The following PROS1 variants were observed in gnomAD, a reference collection of about 807,000 sequenced individuals.
PROS1 encodes the protein vitamin K-dependent protein S.
Under a neutral mutation model 75.9 loss-of-function variants are expected in PROS1, and 29 were observed. That is an observed-to-expected ratio of 0.38 (90% CI 0.28 to 0.52). The LOEUF (loss-of-function observed/expected upper bound fraction) is 0.52, where lower values mean the gene tolerates loss of function less well. Ranked by LOEUF, PROS1 falls within the 20% of genes least tolerant of loss-of-function variation. The probability of loss-of-function intolerance (pLI) is 0.83; values close to 1 mark genes in which losing one functional copy is unlikely to be tolerated. For missense variants in PROS1, 680 were observed against 810.3 expected (o/e 0.84, Z 1.95); for synonymous variants, 245 against 280.6 (o/e 0.87, Z 1.27).
intron 1 of PROS1, 32 bp from the exon 2 acceptor site, chr3:93,927,439 T>C (rs778070336): frequency 1.0e-4 from 164 of 1,603,422 alleles, no homozygotes; most frequent in Non-Finnish European, 1.2e-4. Flanking sequence ...TATGAATTAA[T>C]CATTTTTCCA....
chr3:93,937,203 T>C (rs1362082075), intron 1 of PROS1, among the ~76,000 whole-genome samples: 1 of 152,074 alleles, frequency 6.6e-6, no homozygotes. Context: ...GACTAAAGAT[T>C]TCACATGAAA....
intron 1 of PROS1, chr3:93,928,843 A>G (rs1174339920): frequency 1.3e-6 from 1 of 772,910 alleles, no homozygotes; most frequent in Admixed American, 3.1e-5. Flanking sequence ...ATCACTACAG[A>G]GAATAAACGG....
In PROS1 at chr3:93,877,209, G is replaced by A; in HGVS notation, c.1645-18C>T. 6.4e-7 allele frequency: 1 copy of A among 1,554,580 alleles called. No individual in the cohort carries two copies. The highest frequency in any genetic ancestry group is 8.9e-7 in the Non-Finnish European group (1 of 1,126,536). ...AGAATATCCTGAAGAGCAGAGCAAA[G>A]ATTCAATATAAGCAAGGAGTAAGAG... On this transcript the variant is annotated intron_variant, in intron 13 of 14. Coordinates refer to ENST00000394236, the MANE Select transcript of PROS1 (RefSeq NM_000313.4).
intron 8 of PROS1, among the ~76,000 whole-genome samples, 177 bp from the exon 9 acceptor site, chr3:93,896,868 G>T (rs1363665289): frequency 1.3e-5 from 2 of 151,980 alleles, no homozygotes; most frequent in African/African-American, 4.8e-5. Flanking sequence ...TCCTTGTATA[G>T]TCTATCTATC....
At chr3:93,910,152 G>T in intron 4 of PROS1, among the ~76,000 whole-genome samples, 1 of 152,242 alleles carries the variant, frequency 6.6e-6, no homozygotes, top group Admixed American at 6.5e-5. Context: ...CAAAAATAAT[G>T]TACCAGAATT....
intron 1 of PROS1, among the ~76,000 whole-genome samples, chr3:93,945,395 G>C (rs1307795205): frequency 6.6e-6 from 1 of 152,180 alleles, no homozygotes; most frequent in Non-Finnish European, 1.5e-5. Context: ...GATGAACATT[G>C]ATGCAGAAAT....
chr3:93,901,086 T>G (rs1708586719), intron 6 of PROS1, among the ~76,000 whole-genome samples, 157 bp from the exon 7 acceptor site: 1 of 152,244 alleles, frequency 6.6e-6, no homozygotes, highest in Non-Finnish European at 1.5e-5. Context: ...TCATCATATG[T>G]TAGCTCACTA....
At chr3:93,897,037 A>G (rs1055852227) in intron 8 of PROS1, among the ~76,000 whole-genome samples, 2 of 152,156 alleles carry the variant, frequency 1.3e-5, no homozygotes, top group Non-Finnish European at 2.9e-5. Context: ...CAGGTATATT[A>G]TCTCCCATGA....
chr3:93,963,821 T>C (rs1231828764), intron 1 of PROS1, among the ~76,000 whole-genome samples: 1 of 152,036 alleles, frequency 6.6e-6, no homozygotes, highest in Non-Finnish European at 1.5e-5. Flanking sequence ...CCTACCCCCA[T>C]GACCAAAACA....
At chr3:93,963,546 AAGAAAAGG>A (rs1231029976) in intron 1 of PROS1, among the ~76,000 whole-genome samples, 1 of 152,168 alleles carries the variant, frequency 6.6e-6, no homozygotes, top group African/African-American at 2.4e-5. Flanking sequence ...ATAATTTATA[AAGAAAAGG>A]AGTTTAATAG....
At chr3:93,898,616 T>C (rs1254858825) in intron 7 of PROS1, 47 bp from the exon 8 acceptor site, 10 of 1,599,820 alleles carry the variant, frequency 6.3e-6, no homozygotes, top group Non-Finnish European at 8.6e-6. Context: ...ATCCCCTAAA[T>C]GTTCAATCTT....
chr3:93,880,949 T>C lies in PROS1; in HGVS notation c.1493-1635A>G, dbSNP rs183025497. On this transcript the variant is annotated intron_variant, in intron 12 of 14. Transcript: ENST00000394236. ...CCATTTATAACTTTAAAAAAATCTT[T>C]CATAGGCAGAACAGAACTAGGCATT... Among the ~76,000 whole-genome samples, 186 of 152,312 alleles carry C rather than the reference T, an allele frequency of 1.2e-3. 1 individual carries two copies. Among genetic ancestry groups the C allele is most frequent in the African/African-American group, 4.2e-3 (176 of 41,570 alleles).
At chr3:93,924,719 GTGGT>G in intron 2 of PROS1, among the ~76,000 whole-genome samples, 1 of 149,374 alleles carries the variant, frequency 6.7e-6, no homozygotes, top group Non-Finnish European at 1.5e-5. Context: ...CTAGAGTGCA[GTGGT>G]ATGACCATGA....
At chr3:93,913,948 C>A (rs1708800207) in intron 3 of PROS1, among the ~76,000 whole-genome samples, 1 of 152,272 alleles carries the variant, frequency 6.6e-6, no homozygotes, top group African/African-American at 2.4e-5. Flanking sequence ...TAAGGAAGTC[C>A]AAAACCCATT....
intron 1 of PROS1, among the ~76,000 whole-genome samples, chr3:93,967,304 T>C (rs1010118325): frequency 2.6e-5 from 4 of 152,222 alleles, no homozygotes; most frequent in African/African-American, 4.8e-5. Context: ...GAGACACTTA[T>C]TGGGATTTAA....
Position 93,874,212 on chromosome 3 carries a change from A to T in PROS1, c.*33T>A, listed in dbSNP as rs1417909684. On this transcript the variant is annotated 3_prime_UTR_variant, in exon 15 of 15. Transcript: ENST00000394236. ...TGAAACATAAGTATAATTACACACA[A>T]GGAAAAGGTATTATAAGCAGAGAAA... 1.2e-6 allele frequency: 2 copies of T among 1,610,170 alleles called. No individual in the cohort carries two copies. The highest frequency in any genetic ancestry group is 1.7e-6 in the Non-Finnish European group (2 of 1,176,734).
At chr3:93,943,901 T>A (rs540889783) in intron 1 of PROS1, among the ~76,000 whole-genome samples, 1 of 152,132 alleles carries the variant, frequency 6.6e-6, no homozygotes, top group East Asian at 1.9e-4. Flanking sequence ...AGAACAACCC[T>A]TTTGACTGTA....
chr3:93,906,107 T>G lies in PROS1; in HGVS notation c.383A>C (p.Glu128Ala), dbSNP rs985714188. ...ATCTTTGCAGCTCATATATCCATCT[T>G]CATTGCATGGCAGAGGACTACACTG... ...PDQCSPLPCN[E>A]DGYMSCKDGK... The change falls in exon 5 of 15, where the codon GAA (glutamate) becomes GCA (alanine). Residue 128 changes from glutamate (E) to alanine (A), a missense_variant. Transcript: ENST00000394236. 6.2e-7 allele frequency: 1 copy of G among 1,614,036 alleles called. No individual in the cohort carries two copies. The highest frequency in any genetic ancestry group is 8.5e-7 in the Non-Finnish European group (1 of 1,179,998).
chr3:93,886,577 T>C, intron 10 of PROS1, 74 bp from the exon 11 acceptor site: 1 of 1,108,796 alleles, frequency 9.0e-7, no homozygotes, highest in South Asian at 1.3e-5. Flanking sequence ...GATCTAAAAC[T>C]TATGTTATTA....
Sources: allele counts gnomAD v4.1 joint callset (sites outside exome capture counted in the v4.1 genomes callset), GRCh38; gene constraint gnomAD v4.1.1; transcripts MANE v1.5; gene names NCBI Gene and HGNC (gene_info 2026-07-23, HGNC 2026-07-21).